The following ZNF407 variants were observed in gnomAD, a reference collection of about 807,000 sequenced individuals.
The protein encoded by ZNF407 is zinc finger protein 407.
In ZNF407, 17 loss-of-function variants were observed where a neutral mutation model predicts 131.2. The observed-to-expected ratio is 0.13, with a 90% CI of 0.09 to 0.19. The LOEUF (loss-of-function observed/expected upper bound fraction) is 0.19. ZNF407 is among the 10% of genes least tolerant of loss of function. The probability of loss-of-function intolerance (pLI) is 1.00; values close to 1 mark genes in which losing one functional copy is unlikely to be tolerated. For missense variants in ZNF407, 2,681 were observed against 2,830.6 expected, an observed-to-expected ratio of 0.95 and a Z score of 1.20; for synonymous variants, 1,156 against 1,062.0, an observed-to-expected ratio of 1.09 and a Z score of -1.72.
At chr18:74,715,102 T>A (rs1012460292) in intron 3 of ZNF407, among the ~76,000 whole-genome samples, 3 of 152,182 alleles carry the variant, frequency 2.0e-5, no homozygotes, top group Non-Finnish European at 2.9e-5. Flanking sequence ...ATCTTCCACG[T>A]CCCGCTGCCT....
intron 4 of ZNF407, among the ~76,000 whole-genome samples, chr18:74,834,889 T>G (rs767394059): frequency 6.6e-6 from 1 of 152,202 alleles, no homozygotes; most frequent in Non-Finnish European, 1.5e-5. Context: ...TGAGTGATCT[T>G]TGGATCAAAC....
At chr18:74,939,292 A>T (rs1286893747) in intron 8 of ZNF407, among the ~76,000 whole-genome samples, 2 of 152,196 alleles carry the variant, frequency 1.3e-5, no homozygotes, top group Non-Finnish European at 2.9e-5. Context: ...AAGAAAATTG[A>T]TCATTATTTT....
intron 4 of ZNF407, among the ~76,000 whole-genome samples, chr18:74,838,394 C>G (rs1024092801): frequency 6.6e-6 from 1 of 152,174 alleles, no homozygotes; most frequent in South Asian, 2.1e-4. Flanking sequence ...TCCGCTGATA[C>G]TTGATGTCGG....
intron 8 of ZNF407, among the ~76,000 whole-genome samples, chr18:75,032,664 G>C (rs1245747187): frequency 6.6e-6 from 1 of 151,238 alleles, no homozygotes; most frequent in African/African-American, 2.5e-5. Context: ...GGGGAAGATA[G>C]TATTAGGTAA....
chr18:74,916,568 T>C (rs1971769422), intron 7 of ZNF407, among the ~76,000 whole-genome samples: 1 of 130,714 alleles, frequency 7.7e-6, no homozygotes, highest in Non-Finnish European at 1.6e-5. Flanking sequence ...TGTGTGTGTG[T>C]GTGTGCATGC....
chr18:74,943,614 CTGTT>C (rs745845860), intron 8 of ZNF407, among the ~76,000 whole-genome samples: 17 of 152,174 alleles, frequency 1.1e-4, no homozygotes, highest in East Asian at 1.9e-4. Context: ...ATACGTTAGA[CTGTT>C]TGGTGAAATT....
At chr18:74,767,448 C>T (rs142923142) in intron 3 of ZNF407, among the ~76,000 whole-genome samples, 1 of 152,156 alleles carries the variant, frequency 6.6e-6, no homozygotes, top group East Asian at 1.9e-4. Flanking sequence ...AGATTATATT[C>T]TGTTTTATAA....
chr18:74,729,554 A>C (rs996564812), intron 3 of ZNF407, among the ~76,000 whole-genome samples: 1 of 151,544 alleles, frequency 6.6e-6, no homozygotes, highest in African/African-American at 2.4e-5. Context: ...GTTTACTGTG[A>C]ATTTGTTAAG....
chr18:74,971,424 G>A (rs963806908), intron 8 of ZNF407, among the ~76,000 whole-genome samples: 2 of 152,200 alleles, frequency 1.3e-5, no homozygotes, highest in African/African-American at 4.8e-5. Context: ...CAGTACTCAA[G>A]TCATCTCTTG....
At position 74,625,131 on chromosome 18, in the gene ZNF407, T is replaced by C. The variant is rs986805013; in HGVS notation, c.-53-5836T>C. Among the ~76,000 whole-genome samples the C allele has an allele frequency of 3.9e-5, 6 of 152,366 alleles. No individual in the cohort carries two copies. In the South Asian group the frequency reaches 8.3e-4, roughly 21 times the overall value. ...GAATGTTTGTTGTTATTTCTTGATA[T>C]AGTGAGATATTGGGTTATTTCATTA... is the stretch of plus-strand genomic sequence containing the variant. On this transcript the variant is annotated intron_variant, in intron 1 of 8. Transcript: ENST00000299687.
intron 3 of ZNF407, among the ~76,000 whole-genome samples, chr18:74,658,135 C>T (rs192017309): frequency 1.4e-3 from 196 of 143,346 alleles, no homozygotes; most frequent in African/African-American, 5.0e-3. Flanking sequence ...TTTTTTGAGA[C>T]GGAGCCTCGC....
At chr18:74,805,402 G>C (rs1251945130) in intron 4 of ZNF407, among the ~76,000 whole-genome samples, 1 of 152,112 alleles carries the variant, frequency 6.6e-6, no homozygotes, top group Non-Finnish European at 1.5e-5. Context: ...ACAATAGTCT[G>C]ATTTACACTT....
intron 4 of ZNF407, among the ~76,000 whole-genome samples, chr18:74,821,745 C>T (rs1463494103): frequency 6.6e-6 from 1 of 152,108 alleles, no homozygotes; most frequent in Non-Finnish European, 1.5e-5. Context: ...GTGCATGTGT[C>T]TTTATAGTAG....
At chr18:75,027,492 AG>A (rs1178927221) in intron 8 of ZNF407, among the ~76,000 whole-genome samples, 1 of 152,184 alleles carries the variant, frequency 6.6e-6, no homozygotes, top group Non-Finnish European at 1.5e-5. Flanking sequence ...TAGTGCAAAT[AG>A]TAGGATGTAG....
chr18:74,630,388 G>A (rs546024309), intron 1 of ZNF407, among the ~76,000 whole-genome samples: 1 of 152,072 alleles, frequency 6.6e-6, no homozygotes, highest in Non-Finnish European at 1.5e-5. Flanking sequence ...AGCCAGGATG[G>A]TCTCGATCTC....
intron 8 of ZNF407, among the ~76,000 whole-genome samples, chr18:75,041,622 G>GCACA (rs57989015): frequency 0.026 from 3,812 of 144,920 alleles, 140 homozygotes; most frequent in African/African-American, 0.092. Context: ...GCATGCACGT[G>GCACA]CACACACACA....
chr18:74,790,919 G>A (rs1417399704), intron 4 of ZNF407, among the ~76,000 whole-genome samples: 5 of 152,100 alleles, frequency 3.3e-5, no homozygotes, highest in Non-Finnish European at 7.4e-5. Context: ...ATTATGCTAC[G>A]GAGCTATGAT....
intron 8 of ZNF407, among the ~76,000 whole-genome samples, chr18:75,039,446 T>C (rs540110828): frequency 1.3e-5 from 2 of 152,308 alleles, no homozygotes; most frequent in East Asian, 3.9e-4. Context: ...GTGTGGATGA[T>C]AAAGAGACTG....
At chr18:74,826,570 A>G (rs72975434) in intron 4 of ZNF407, among the ~76,000 whole-genome samples, 13,244 of 152,220 alleles carry the variant, frequency 0.087, 653 homozygotes, top group South Asian at 0.17. Context: ...AGGGTCAGGT[A>G]GGGAGAGGGA....
Sources: allele counts gnomAD v4.1 joint callset (sites outside exome capture counted in the v4.1 genomes callset), GRCh38; gene constraint gnomAD v4.1.1; transcripts MANE v1.5; gene names NCBI Gene and HGNC (gene_info 2026-07-23, HGNC 2026-07-21).